CKAP5: variants seen among roughly 807,000 people sequenced by gnomAD.
The protein encoded by CKAP5 is cytoskeleton-associated protein 5.
CKAP5 carries 27 observed loss-of-function variants against 232.8 expected under a neutral mutation model. That is an observed-to-expected ratio of 0.12 (90% CI 0.09 to 0.16). CKAP5 has a LOEUF of 0.16. Ranked by LOEUF, CKAP5 falls within the 10% of genes least tolerant of loss-of-function variation. The probability of loss-of-function intolerance (pLI) is 1.00; values close to 1 mark genes in which losing one functional copy is unlikely to be tolerated. For synonymous variants in CKAP5, 785 were observed against 841.1 expected (o/e 0.93, Z 1.16); for missense variants, 1,838 against 2,424.7 (o/e 0.76, Z 5.08).
chr11:46,780,328 C>G lies in CKAP5; in HGVS notation c.2308-9G>C, dbSNP rs765815691. 1.2e-6 allele frequency: 2 copies of G among 1,613,804 alleles called. No homozygotes were observed. Among genetic ancestry groups the G allele is most frequent in the Non-Finnish European group, 1.7e-6 (2 of 1,179,938 alleles). On this transcript the variant is annotated splice_polypyrimidine_tract_variant and intron_variant, in intron 19 of 43. Coordinates refer to ENST00000529230, the MANE Select transcript of CKAP5 (RefSeq NM_001008938.4). ...GCAGCAGTCCTCACAGCCTGCCAGA[C>G]AGAAGAAAAATAACTTTTTAAATCA...
chr11:46,789,948 C>T (rs192141779), intron 15 of CKAP5, 128 bp downstream of exon 15: 1 of 586,616 alleles, frequency 1.7e-6, no homozygotes, highest in African/African-American at 1.8e-5. Context: ...CCCACCTCAT[C>T]TTTAATGCCA....
intron 4 of CKAP5, among the ~76,000 whole-genome samples, chr11:46,811,800 T>C (rs907131691): frequency 3.3e-5 from 5 of 152,186 alleles, no homozygotes; most frequent in Admixed American, 1.3e-4. Flanking sequence ...TGTATGTATA[T>C]ACATATAAAA....
chr11:46,839,622 T>G (rs1940004233), intron 1 of CKAP5, among the ~76,000 whole-genome samples: 1 of 152,184 alleles, frequency 6.6e-6, no homozygotes, highest in Admixed American at 6.5e-5. Context: ...AGAAGTACTT[T>G]TTTAAAAGGG....
intron 8 of CKAP5, among the ~76,000 whole-genome samples, chr11:46,803,664 A>C (rs1939087542): frequency 6.6e-6 from 1 of 152,198 alleles, no homozygotes; most frequent in African/African-American, 2.4e-5. Flanking sequence ...TTCTGACTCC[A>C]AAGTTTTTGC....
intron 9 of CKAP5, among the ~76,000 whole-genome samples, chr11:46,800,209 T>C (rs1406607083): frequency 6.6e-6 from 1 of 152,202 alleles, no homozygotes; most frequent in Non-Finnish European, 1.5e-5. Flanking sequence ...TTATGATGTA[T>C]ATGTCTAAGG....
chr11:46,845,849 G>A (rs1467800039), intron 1 of CKAP5, among the ~76,000 whole-genome samples: 1 of 152,148 alleles, frequency 6.6e-6, no homozygotes, highest in Non-Finnish European at 1.5e-5. Flanking sequence ...TGACAATTAC[G>A]CGAGAGGCAC....
Position 46,816,342 on chromosome 11 carries a change from G to A in CKAP5, c.314C>T (p.Ala105Val), listed in dbSNP as rs1367600215. Residue 105 changes from alanine to valine, a missense_variant, in exon 4 of 44, where the codon GCC becomes GTC. By Grantham distance (64) the Ala-to-Val change is moderately conservative (BLOSUM62 0). Transcript: ENST00000529230. ...ACAGATCTCTATGCCCAGCTCCTTG[G>A]CTTTAGCTTTAGGTTGATTGAACAC... ...SKVFNQPKAK[A>V]KELGIEICLM... The A allele has an allele frequency of 6.2e-7, 1 of 1,613,920 alleles. No individual in the cohort carries two copies. Among genetic ancestry groups the A allele is most frequent in the South Asian group, 1.1e-5 (1 of 91,060 alleles).
chr11:46,786,966 A>G (rs2065399737), intron 16 of CKAP5, among the ~76,000 whole-genome samples: 1 of 152,100 alleles, frequency 6.6e-6, no homozygotes, highest in Non-Finnish European at 1.5e-5. Context: ...TCAAAATCAC[A>G]ATGAGATTAC....
At position 46,765,134 on chromosome 11, in the gene CKAP5, C is replaced by T; in HGVS notation, c.3534G>A (p.Leu1178=). The T allele has an allele frequency of 6.2e-7, 1 of 1,611,696 alleles. No individual in the cohort carries two copies. Among genetic ancestry groups the T allele is most frequent in the Non-Finnish European group, 8.5e-7 (1 of 1,179,054 alleles). The part of the protein sequence containing the change: ...KEQRMKDEKG[L]KVLKWNFTTP... ...ACGATTCTTAATCCTTCCTTACCTT[C>T]AATCCTTTTTCATCTTTCATCCTTT... is the stretch of plus-strand genomic sequence containing the variant. The change falls in exon 28 of 44, where the codon TTG becomes TTA. Residue 1178 remains leucine, a synonymous_variant. Coordinates refer to ENST00000529230, the MANE Select transcript of CKAP5 (RefSeq NM_001008938.4).
intron 24 of CKAP5, among the ~76,000 whole-genome samples, chr11:46,775,425 A>G (rs1004204814): frequency 6.6e-6 from 1 of 152,200 alleles, no homozygotes; most frequent in African/African-American, 2.4e-5. Context: ...CAATTCCTCA[A>G]GGACCCAGAA....
chr11:46,744,159 G>A lies in CKAP5; in HGVS notation c.5963C>T (p.Ser1988Leu). 3 of 1,614,150 alleles carry A rather than the reference G, an allele frequency of 1.9e-6. No homozygotes were observed. The highest frequency in any genetic ancestry group is 2.5e-6 in the Non-Finnish European group (3 of 1,180,034). Residue 1988 changes from serine (S) to leucine (L), a missense_variant, in exon 44 of 44, where the codon TCA becomes TTA. By Grantham distance (145) the Ser-to-Leu change is moderately radical (BLOSUM62 -2). Around this residue, in one of 6 missense-constraint regions of CKAP5, gnomAD observed 62 missense variants for 61.1 expected, o/e 1.01. Coordinates refer to ENST00000529230, the MANE Select transcript of CKAP5 (RefSeq NM_001008938.4). ...GTCTGAATGCTGGTGCTGCTCCCGTGACTCCCGGAGCTGAGAGAGTTTGCT... is the reference window on the plus strand; with the variant it reads ...GTCTGAATGCTGGTGCTGCTCCCGTAACTCCCGGAGCTGAGAGAGTTTGCT... ...LHSKLSQLRE[S>L]REQHQHSDLD...
Position 46,784,350 on chromosome 11 carries a change from G to A in CKAP5, c.2154+138C>T. 4 of 701,750 alleles carry A rather than the reference G, an allele frequency of 5.7e-6. No homozygotes were observed. In the South Asian group the frequency reaches 5.8e-5, roughly 10 times the overall value. The allele number at this position is 701,750 out of a possible 1,614,324, so 43.5% of individuals were successfully genotyped here. A position where few individuals can be genotyped will look rare whatever the true frequency, so the allele number is the denominator to read the frequency against. Reference sequence around the variant, plus strand: ...TGCATTCCAGCCTGGGCGACAGAGTGAAACTCCATCTCAAAAAAAATGCAG... The same window carrying A: ...TGCATTCCAGCCTGGGCGACAGAGTAAAACTCCATCTCAAAAAAAATGCAG... On this transcript the variant is annotated intron_variant, in intron 17 of 43. Transcript: ENST00000529230.
intron 11 of CKAP5, among the ~76,000 whole-genome samples, chr11:46,797,590 T>C (rs976429013): frequency 1.3e-5 from 2 of 152,126 alleles, no homozygotes; most frequent in Admixed American, 6.6e-5. Context: ...ACAACATGTT[T>C]AACAGTTAAT....
intron 7 of CKAP5, 123 bp from the exon 8 acceptor site, chr11:46,808,267 C>T (rs775181856): frequency 2.5e-5 from 16 of 645,274 alleles, no homozygotes; most frequent in Non-Finnish European, 3.9e-5. Flanking sequence ...ACTGGCCGGG[C>T]GCAGTGGCTC....
At chr11:46,747,191 T>C (rs1827762522) in intron 42 of CKAP5, among the ~76,000 whole-genome samples, 1 of 152,068 alleles carries the variant, frequency 6.6e-6, no homozygotes, top group Non-Finnish European at 1.5e-5. Flanking sequence ...CTGGGCAAAA[T>C]GTTGATATGC....
intron 8 of CKAP5, among the ~76,000 whole-genome samples, chr11:46,802,551 CAG>C (rs1156832407): frequency 1.2e-3 from 165 of 138,728 alleles, no homozygotes; most frequent in African/African-American, 2.9e-3. Context: ...GACAGACAGA[CAG>C]ACAGACACAC....
In CKAP5 at chr11:46,770,086, C is replaced by A; in HGVS notation, c.3199G>T (p.Asp1067Tyr). Reference sequence around the variant, plus strand: ...TTCTCTAGCATGGCCAATACCTGATCTTTAGAAGTTGGCTAGAGAGACAAA... The same window carrying A: ...TTCTCTAGCATGGCCAATACCTGATATTTAGAAGTTGGCTAGAGAGACAAA... Reference protein sequence around the residue: ...ATGKLKPTSKDQVLAMLEKAK... With the variant: ...ATGKLKPTSKYQVLAMLEKAK... The change falls in exon 26 of 44, where the codon GAT becomes TAT. Residue 1067 changes from aspartate to tyrosine, a missense_variant. Transcript: ENST00000529230. The A allele has an allele frequency of 6.2e-7, 1 of 1,614,020 alleles. No individual in the cohort carries two copies. Among genetic ancestry groups the A allele is most frequent in the Non-Finnish European group, 8.5e-7 (1 of 1,179,952 alleles).
Position 46,796,919 on chromosome 11 carries a change from C to T in CKAP5, c.1360G>A (p.Glu454Lys). 6.2e-7 allele frequency: 1 copy of T among 1,613,964 alleles called. No homozygotes were observed. Among genetic ancestry groups the T allele is most frequent in the African/African-American group, 1.3e-5 (1 of 75,018 alleles). The stretch of plus-strand genomic sequence containing the variant: ...GCTTCAAATGCGGCATCTCTGACTT[C>T]AGGAGCAGAATCATTGATGTGCTAT... The part of the protein sequence containing the change: ...LLKHINDSAP[E>K]VRDAAFEALG... The change falls in exon 12 of 44, where the codon GAA becomes AAA. Residue 454 changes from glutamate (E) to lysine (K), a missense_variant. Around this residue, in one of 6 missense-constraint regions of CKAP5, gnomAD observed 767 missense variants for 954.6 expected, o/e 0.80. Transcript: ENST00000529230.
intron 24 of CKAP5, among the ~76,000 whole-genome samples, chr11:46,773,771 T>C (rs948057084): frequency 1.3e-5 from 2 of 151,096 alleles, no homozygotes; most frequent in Non-Finnish European, 2.9e-5. Flanking sequence ...CTCCAACCCC[T>C]GATCTCAAGT....
Sources: allele counts gnomAD v4.1 joint callset (sites outside exome capture counted in the v4.1 genomes callset), GRCh38; gene constraint gnomAD v4.1.1; regional missense constraint gnomAD v4.1.1; transcripts MANE v1.5; gene names NCBI Gene and HGNC (gene_info 2026-07-23, HGNC 2026-07-21).